TRPM3: variants seen among roughly 807,000 people sequenced by gnomAD.
TRPM3 encodes long transient receptor potential channel 3.
Under a neutral mutation model 181.2 loss-of-function variants are expected in TRPM3, and 77 were observed. That is an observed-to-expected ratio of 0.42 (90% confidence interval 0.35 to 0.51). The LOEUF (loss-of-function observed/expected upper bound fraction) is 0.51. TRPM3 is among the 20% of genes least tolerant of loss of function. The pLI is 0.01. For synonymous variants in TRPM3, 745 were observed against 796.4 expected, an observed-to-expected ratio of 0.94 and a Z score of 1.09; for missense variants, 1,759 against 2,196.7, an observed-to-expected ratio of 0.80 and a Z score of 3.98.
At chr9:71,212,104 T>G (rs1488949833) in intron 1 of TRPM3, among the ~76,000 whole-genome samples, 2 of 152,020 alleles carry the variant, frequency 1.3e-5, no homozygotes, top group African/African-American at 4.8e-5. Context: ...GATTTCATGG[T>G]TTTTTTGTTT....
intron 1 of TRPM3, among the ~76,000 whole-genome samples, chr9:71,047,333 G>A (rs539808635): frequency 4.6e-4 from 70 of 152,098 alleles, no homozygotes; most frequent in Admixed American, 2.3e-3. Flanking sequence ...TTTTTAATAT[G>A]ATCCTACTTT....
chr9:71,165,911 C>A (rs772537690), intron 1 of TRPM3, among the ~76,000 whole-genome samples: 2 of 152,110 alleles, frequency 1.3e-5, no homozygotes, highest in African/African-American at 4.8e-5. Flanking sequence ...TCCACCCATT[C>A]GAAGATAGAG....
Position 71,238,499 on chromosome 9 carries a change from T to C in TRPM3, c.183+208154A>G, listed in dbSNP as rs1001434605. On this transcript the variant is annotated intron_variant, in intron 1 of 24. Transcript: ENST00000357533. Reference sequence around the variant, plus strand: ...TTCCTTATCTCTCAGGTTGCAGTTCTTCTCAAGCTCCCACTGCTCCAAAAT... The same window carrying C: ...TTCCTTATCTCTCAGGTTGCAGTTCCTCTCAAGCTCCCACTGCTCCAAAAT... 5.3e-5 allele frequency among the ~76,000 whole-genome samples: 8 copies of C among 152,322 alleles called. No individual in the cohort carries two copies. The East Asian group carries it at 1.5e-3, about 29-fold the overall frequency.
intron 1 of TRPM3, among the ~76,000 whole-genome samples, chr9:71,264,808 G>C (rs79658897): frequency 6.6e-6 from 1 of 152,234 alleles, no homozygotes; most frequent in East Asian, 1.9e-4. Flanking sequence ...CATCATTGCT[G>C]CTGTCCTTTC....
rs777238793 is a variant in TRPM3, at chr9:70,639,160, A to G, written c.1481T>C (p.Leu494Ser). ...GSLEQAMLDA[L>S]VLDRVDFVKL... ...CACAAAATCCACTCTGTCCAGAACTAAGGCATCCAACATGGCTTGCTCCAG... is the reference window on the plus strand; with the variant it reads ...CACAAAATCCACTCTGTCCAGAACTGAGGCATCCAACATGGCTTGCTCCAG... The change falls in exon 11 of 26, where the codon TTA (leucine) becomes TCA (serine). Residue 494 changes from leucine (L) to serine (S), a missense_variant. Physicochemically the swap from Leu to Ser is moderately radical, Grantham distance 145 (BLOSUM62 -2). This residue lies in a region of TRPM3 where 737 missense variants were observed against 957.4 expected (regional missense o/e 0.77). Transcript: ENST00000677713. The G allele has an allele frequency of 6.2e-7, 1 of 1,613,964 alleles. No homozygotes were observed. Among genetic ancestry groups the G allele is most frequent in the Admixed American group, 1.7e-5 (1 of 59,994 alleles).
At chr9:71,121,710 G>T (rs534013543), upstream of TRPM3, 8 of 922,034 alleles carry the variant, frequency 8.7e-6, no homozygotes, top group Admixed American at 5.3e-5. Context: ...CTTGGTTTGG[G>T]GGGGAGCCAG....
At chr9:71,219,098 C>T (rs2080079676) in intron 1 of TRPM3, among the ~76,000 whole-genome samples, 1 of 151,580 alleles carries the variant, frequency 6.6e-6, no homozygotes, top group Non-Finnish European at 1.5e-5. Flanking sequence ...CGATTGTGCT[C>T]AAAATTTTCT....
intron 22 of TRPM3, among the ~76,000 whole-genome samples, chr9:70,588,505 G>A (rs1018041341): frequency 5.3e-5 from 8 of 151,572 alleles, no homozygotes; most frequent in Non-Finnish European, 1.0e-4. Flanking sequence ...CACGCATTCC[G>A]TTAGAAATGA....
At chr9:71,349,043 C>T (rs1292758146) in intron 1 of TRPM3, among the ~76,000 whole-genome samples, 1 of 152,156 alleles carries the variant, frequency 6.6e-6, no homozygotes, top group African/African-American at 2.4e-5. Context: ...CCTTCCTGGG[C>T]TTCAAGTACA....
At chr9:71,067,798 G>A (rs983445050) in intron 1 of TRPM3, among the ~76,000 whole-genome samples, 6 of 152,078 alleles carry the variant, frequency 3.9e-5, no homozygotes, top group East Asian at 1.9e-4. Flanking sequence ...TAAAGTCCTC[G>A]GAGATATCAA....
At chr9:71,050,053 G>C (rs974961370) in intron 1 of TRPM3, among the ~76,000 whole-genome samples, 2 of 152,068 alleles carry the variant, frequency 1.3e-5, no homozygotes, top group African/African-American at 4.8e-5. Flanking sequence ...GGTTATTATG[G>C]AATAATGTGA....
chr9:70,593,624 C>G (rs112861313), intron 21 of TRPM3, among the ~76,000 whole-genome samples: 226 of 152,138 alleles, frequency 1.5e-3, no homozygotes, highest in Non-Finnish European at 2.2e-3. Flanking sequence ...ACATTTTTCC[C>G]AAACACTTAG....
intron 1 of TRPM3, among the ~76,000 whole-genome samples, chr9:71,419,112 T>C (rs2093687649): frequency 6.6e-6 from 1 of 151,560 alleles, no homozygotes; most frequent in African/African-American, 2.4e-5. Context: ...ATTGGAGCTC[T>C]TATAGGTTTT....
chr9:70,595,967 G>A, intron 21 of TRPM3, among the ~76,000 whole-genome samples: 1 of 152,060 alleles, frequency 6.6e-6, no homozygotes, highest in East Asian at 1.9e-4. Context: ...AACAATGCTG[G>A]TGTTATAAAT....
At chr9:71,369,131 A>G (rs1006117362) in intron 1 of TRPM3, among the ~76,000 whole-genome samples, 5 of 152,148 alleles carry the variant, frequency 3.3e-5, no homozygotes, top group African/African-American at 1.2e-4. Context: ...TCAGAAAAGC[A>G]GAAGGAAAAA....
chr9:71,255,432 C>T (rs184834634), intron 1 of TRPM3, among the ~76,000 whole-genome samples: 1 of 152,100 alleles, frequency 6.6e-6, no homozygotes, highest in Non-Finnish European at 1.5e-5. Context: ...CACCATCCTG[C>T]CCACATTTGC....
chr9:71,085,210 A>C (rs1041582862), intron 1 of TRPM3, among the ~76,000 whole-genome samples: 2 of 152,118 alleles, frequency 1.3e-5, no homozygotes, highest in African/African-American at 4.8e-5. Context: ...CATTCTGGAC[A>C]TAGGACTTGG....
chr9:70,695,966 A>G (rs1430795522), intron 8 of TRPM3, among the ~76,000 whole-genome samples: 1 of 152,176 alleles, frequency 6.6e-6, no homozygotes. Context: ...AGGGCAAGGG[A>G]AAGAACTTGC....
At chr9:71,161,712 A>T (rs1450609690) in intron 1 of TRPM3, among the ~76,000 whole-genome samples, 1 of 152,170 alleles carries the variant, frequency 6.6e-6, no homozygotes, top group East Asian at 1.9e-4. Flanking sequence ...ACTCTAGAGA[A>T]AAATGGGATT....
Sources: allele counts gnomAD v4.1 joint callset (sites outside exome capture counted in the v4.1 genomes callset), GRCh38; gene constraint gnomAD v4.1.1; regional missense constraint gnomAD v4.1.1; transcripts MANE v1.5; gene names NCBI Gene and HGNC (gene_info 2026-07-23, HGNC 2026-07-21).